The following GAREM1 variants were observed in gnomAD, a reference collection of about 807,000 sequenced individuals.
GAREM1 encodes the protein GRB2 associated regulator of MAPK1 subtype 1.
A neutral mutation model predicts 71.3 loss-of-function variants in GAREM1; 26 were observed. That is an observed-to-expected ratio of 0.36 (90% CI 0.27 to 0.51). The LOEUF (loss-of-function observed/expected upper bound fraction) is 0.51. GAREM1 is among the 20% of genes least tolerant of loss of function. The pLI, the probability that GAREM1 is intolerant of heterozygous loss-of-function variation, is 0.95. For synonymous variants in GAREM1, 440 were observed against 433.2 expected (o/e 1.02, Z -0.20); for missense variants, 1,026 against 1,103.1 (o/e 0.93, Z 0.99).
At chr18:32,437,551 A>C (rs1160472380) in intron 1 of GAREM1, among the ~76,000 whole-genome samples, 1 of 152,212 alleles carries the variant, frequency 6.6e-6, no homozygotes, top group Admixed American at 6.5e-5. Flanking sequence ...TAGAGGGGTT[A>C]AAGGTAAAGA....
At chr18:32,413,811 T>C (rs566244802) in intron 1 of GAREM1, among the ~76,000 whole-genome samples, 1 of 152,156 alleles carries the variant, frequency 6.6e-6, no homozygotes, top group African/African-American at 2.4e-5. Context: ...AGTTTACAGA[T>C]ATTGACTGAA....
chr18:32,403,647 C>G (rs1424325164), intron 1 of GAREM1, among the ~76,000 whole-genome samples: 1 of 152,006 alleles, frequency 6.6e-6, no homozygotes, highest in South Asian at 2.1e-4. Context: ...CCAATCACAA[C>G]TCACTGTAGC....
chr18:32,417,483 A>G (rs916919235), intron 1 of GAREM1, among the ~76,000 whole-genome samples: 1 of 152,214 alleles, frequency 6.6e-6, no homozygotes, highest in Non-Finnish European at 1.5e-5. Context: ...ATCCATCAGC[A>G]GATGAATGGA....
At chr18:32,414,067 C>CT (rs143932954) in intron 1 of GAREM1, among the ~76,000 whole-genome samples, 5 of 152,086 alleles carry the variant, frequency 3.3e-5, no homozygotes, top group Non-Finnish European at 5.9e-5. Context: ...CACACATATA[C>CT]TTTTTTTAAA....
chr18:32,415,820 G>A (rs1212307011), intron 1 of GAREM1, among the ~76,000 whole-genome samples: 1 of 152,060 alleles, frequency 6.6e-6, no homozygotes, highest in South Asian at 2.1e-4. Context: ...AACACAACAA[G>A]TAAGTCCATT....
At chr18:32,397,626 A>G (rs2048270635) in intron 1 of GAREM1, among the ~76,000 whole-genome samples, 1 of 152,226 alleles carries the variant, frequency 6.6e-6, no homozygotes. Context: ...ATATGCACCC[A>G]ATACAGGAGC....
intron 2 of GAREM1, among the ~76,000 whole-genome samples, chr18:32,344,980 T>G (rs2047680431): frequency 6.6e-6 from 1 of 152,114 alleles, no homozygotes; most frequent in African/African-American, 2.4e-5. Flanking sequence ...GAGAATTGCT[T>G]GAACCAGGGA....
chr18:32,420,618 A>C (rs565554338), intron 1 of GAREM1, among the ~76,000 whole-genome samples: 7 of 152,276 alleles, frequency 4.6e-5, no homozygotes, highest in East Asian at 1.9e-4. Flanking sequence ...TAATTTGCAA[A>C]GAACAGAATC....
intron 4 of GAREM1, among the ~76,000 whole-genome samples, chr18:32,275,739 C>T (rs926035591): frequency 3.9e-5 from 6 of 152,132 alleles, no homozygotes; most frequent in East Asian, 1.9e-4. Context: ...AGTGCAATGG[C>T]GCGATCTCAG....
Position 32,470,354 on chromosome 18 carries a change from G to T in GAREM1, c.75C>A (p.Leu25=). Reference sequence around the variant, plus strand: ...GGGGCAGCCGGTAAGTGCTGACCAGGAGGTCGAGCGGCACGGCCACCGAGC... The same window carrying T: ...GGGGCAGCCGGTAAGTGCTGACCAGTAGGTCGAGCGGCACGGCCACCGAGC... The part of the protein sequence containing the change: ...KWSSVAVPLD[L]LVSTYRLPQI... The change falls in exon 1 of 6, where the codon CTC becomes CTA. Residue 25 remains leucine (L), a synonymous_variant. Transcript: ENST00000269209. This position sits in a 1 kb window ranked among gnomAD's most constrained non-coding sequence, Gnocchi z 4.4. The T allele has an allele frequency of 6.4e-7, 1 of 1,557,890 alleles. No homozygotes were observed.
chr18:32,300,906 C>CAAAAAAAA (rs764891353), intron 3 of GAREM1, among the ~76,000 whole-genome samples: 5 of 83,296 alleles, frequency 6.0e-5, no homozygotes, highest in Non-Finnish European at 1.0e-4. Context: ...AACTCCGTCT[C>CAAAAAAAA]AAAAAAAAAA....
intron 2 of GAREM1, among the ~76,000 whole-genome samples, chr18:32,379,960 A>G (rs1049649113): frequency 1.3e-5 from 2 of 152,176 alleles, no homozygotes; most frequent in African/African-American, 2.4e-5. Context: ...GCACTTACAG[A>G]TACACCCTTT....
chr18:32,290,398 C>CTAATA (rs2047069016), intron 3 of GAREM1: 1 of 151,812 alleles, frequency 6.6e-6, no homozygotes, highest in African/African-American at 2.4e-5. Flanking sequence ...AGATAAAGAG[C>CTAATA]TAATATCTCT....
At chr18:32,315,715 T>C (rs1444891176) in intron 2 of GAREM1, among the ~76,000 whole-genome samples, 2 of 151,950 alleles carry the variant, frequency 1.3e-5, no homozygotes, top group Non-Finnish European at 2.9e-5. Flanking sequence ...CTTAAAACTG[T>C]GATTGCAGGT....
chr18:32,313,678 A>G (rs767260154), intron 2 of GAREM1, among the ~76,000 whole-genome samples: 5 of 152,174 alleles, frequency 3.3e-5, no homozygotes, highest in African/African-American at 4.8e-5. Flanking sequence ...GATGAACAAG[A>G]GGTTTAAAGC....
chr18:32,301,428 A>G (rs1328045074), intron 3 of GAREM1, among the ~76,000 whole-genome samples: 4 of 152,246 alleles, frequency 2.6e-5, no homozygotes, highest in Non-Finnish European at 5.9e-5. Context: ...CCAATCCTCT[A>G]AGATGGATCC....
intron 2 of GAREM1, among the ~76,000 whole-genome samples, chr18:32,352,745 G>A (rs2047764271): frequency 6.6e-6 from 1 of 152,162 alleles, no homozygotes; most frequent in African/African-American, 2.4e-5. Flanking sequence ...GACCACACCT[G>A]TGATTATGAG....
At chr18:32,468,789 A>T (rs1347850201) in intron 1 of GAREM1, among the ~76,000 whole-genome samples, 1 of 152,192 alleles carries the variant, frequency 6.6e-6, no homozygotes, top group Non-Finnish European at 1.5e-5. Flanking sequence ...GAGAGAAGGT[A>T]GGAAAAGGTA....
At chr18:32,313,073 T>C (rs1239914995) in intron 2 of GAREM1, among the ~76,000 whole-genome samples, 1 of 152,184 alleles carries the variant, frequency 6.6e-6, no homozygotes, top group Admixed American at 6.5e-5. Flanking sequence ...CAGAGTACAG[T>C]TGTGTTTTTG....
Sources: allele counts gnomAD v4.1 joint callset (sites outside exome capture counted in the v4.1 genomes callset), GRCh38; gene constraint gnomAD v4.1.1; non-coding constraint Gnocchi (gnomAD v3.1); transcripts MANE v1.5; gene names NCBI Gene and HGNC (gene_info 2026-07-23, HGNC 2026-07-21).